CNTNAP2: variants seen among roughly 807,000 people sequenced by gnomAD.
The protein encoded by CNTNAP2 is contactin associated protein 2, also known as contactin-associated protein-like 2.
A neutral mutation model predicts 155.2 loss-of-function variants in CNTNAP2; 98 were observed. The ratio of observed to expected loss-of-function variants is 0.63; its 90% CI spans 0.54 to 0.75. The LOEUF (loss-of-function observed/expected upper bound fraction) is 0.75, where lower values mean the gene tolerates loss of function less well. Ranked by LOEUF, CNTNAP2 falls within the 30% of genes least tolerant of loss-of-function variation. The pLI is 0.00. For missense variants in CNTNAP2, 1,727 were observed against 1,688.1 expected (o/e 1.02, Z -0.40); for synonymous variants, 651 against 631.2 (o/e 1.03, Z -0.47).
At position 147,920,214 on chromosome 7, in the gene CNTNAP2, G is replaced by C. The variant is rs553467973; in HGVS notation, c.2255+16493G>C. ...CTACTAAAAATACAAAAATTAGCTG[G>C]GCGTGGTGGCACATGCCTGTAATCC... On this transcript the variant is annotated intron_variant, in intron 14 of 23. Transcript: ENST00000361727. Among the ~76,000 whole-genome samples the C allele has an allele frequency of 5.3e-5, 8 of 151,986 alleles. No individual in the cohort carries two copies. In the South Asian group the frequency reaches 1.7e-3, roughly 32 times the overall value.
At chr7:146,983,117 C>A (rs1242135891) in intron 3 of CNTNAP2, among the ~76,000 whole-genome samples, 1 of 152,124 alleles carries the variant, frequency 6.6e-6, no homozygotes, top group Non-Finnish European at 1.5e-5. Flanking sequence ...TTGGAGAAGA[C>A]CTTCAACCAT....
At chr7:146,271,412 A>G (rs2129083381) in intron 1 of CNTNAP2, among the ~76,000 whole-genome samples, 1 of 152,074 alleles carries the variant, frequency 6.6e-6, no homozygotes, top group Non-Finnish European at 1.5e-5. Flanking sequence ...GAATTTTACA[A>G]ATTTCTGTAA....
intron 12 of CNTNAP2, among the ~76,000 whole-genome samples, chr7:147,637,433 G>T (rs1795198876): frequency 1.3e-5 from 2 of 152,092 alleles, no homozygotes; most frequent in Non-Finnish European, 2.9e-5. Flanking sequence ...TTTGTCTTGA[G>T]CACCTGAAAG....
rs184065921 is a variant in CNTNAP2, at chr7:147,562,223, T to A, written c.1863T>A (p.Pro621=). The change falls in exon 12 of 24, where the codon CCT becomes CCA. Residue 621 remains proline (P), a synonymous_variant. Coordinates refer to ENST00000361727, the MANE Select transcript of CNTNAP2 (RefSeq NM_014141.6). The part of the protein sequence containing the change: ...YYWIDPDGSG[P]LGPLKVYCNM... ...GGATAGATCCTGATGGCAGCGGACC[T>A]CTGGGGCCTCTGAAAGTTTACTGCA... 4.9e-5 allele frequency: 79 copies of A among 1,614,042 alleles called. 1 individual carries two copies. Among genetic ancestry groups the A allele is most frequent in the Non-Finnish European group, 1.7e-6 (2 of 1,179,942 alleles).
At chr7:148,245,374 T>G (rs566753850) in intron 20 of CNTNAP2, among the ~76,000 whole-genome samples, 1 of 152,340 alleles carries the variant, frequency 6.6e-6, no homozygotes, top group South Asian at 2.1e-4. Context: ...ATGTGTAAAG[T>G]ACTTATGGTG....
At chr7:147,520,812 T>C (rs1169230978) in intron 11 of CNTNAP2, among the ~76,000 whole-genome samples, 6 of 152,158 alleles carry the variant, frequency 3.9e-5, no homozygotes, top group African/African-American at 1.4e-4. Flanking sequence ...TTTCAGGGTG[T>C]TTTCTTCCTA....
At chr7:147,062,402 A>C (rs919288905) in intron 4 of CNTNAP2, among the ~76,000 whole-genome samples, 2 of 152,066 alleles carry the variant, frequency 1.3e-5, no homozygotes, top group African/African-American at 4.8e-5. Flanking sequence ...GTATGCATGC[A>C]CAGGGATTAT....
intron 1 of CNTNAP2, among the ~76,000 whole-genome samples, chr7:146,370,454 A>G (rs1795218812): frequency 6.9e-6 from 1 of 145,328 alleles, no homozygotes; most frequent in South Asian, 2.2e-4. Context: ...GAGAAAAAGG[A>G]AAAAAAAAAC....
intron 1 of CNTNAP2, among the ~76,000 whole-genome samples, chr7:146,763,527 A>T (rs567886888): frequency 2.6e-5 from 4 of 152,226 alleles, no homozygotes; most frequent in African/African-American, 9.6e-5. Flanking sequence ...GCACTCTATA[A>T]ATTGTCATTG....
At chr7:148,195,940 C>T (rs1037562918) in intron 18 of CNTNAP2, among the ~76,000 whole-genome samples, 2 of 152,172 alleles carry the variant, frequency 1.3e-5, no homozygotes, top group Non-Finnish European at 2.9e-5. Flanking sequence ...CTTACAAATG[C>T]ATTCTACTGA....
chr7:146,927,869 CT>C (rs1796639270), intron 3 of CNTNAP2, among the ~76,000 whole-genome samples: 1 of 151,196 alleles, frequency 6.6e-6, no homozygotes. Context: ...ATATCTATAT[CT>C]CTTTATATAT....
chr7:148,155,904 G>A (rs1282645908), intron 17 of CNTNAP2, among the ~76,000 whole-genome samples: 1 of 152,114 alleles, frequency 6.6e-6, no homozygotes, highest in African/African-American at 2.4e-5. Flanking sequence ...CGGTGACACT[G>A]GGTGCTCCCA....
intron 3 of CNTNAP2, among the ~76,000 whole-genome samples, chr7:146,947,396 CTCTCTCTCTCTCTCTA>C (rs1452637748): frequency 1.5e-5 from 2 of 129,774 alleles, no homozygotes; most frequent in Non-Finnish European, 3.2e-5. Context: ...CTCTCTCTCT[CTCTCTCTCTCTCTCTA>C]TATATATATA....
intron 13 of CNTNAP2, among the ~76,000 whole-genome samples, chr7:147,853,986 C>T (rs1482643114): frequency 6.6e-6 from 1 of 152,092 alleles, no homozygotes; most frequent in Non-Finnish European, 1.5e-5. Flanking sequence ...TTAAAAATGG[C>T]GTTCAAAATT....
At chr7:147,059,922 T>C (rs1799630666) in intron 4 of CNTNAP2, among the ~76,000 whole-genome samples, 5 of 152,098 alleles carry the variant, frequency 3.3e-5, no homozygotes, top group Admixed American at 3.3e-4. Flanking sequence ...TTACTATCAT[T>C]ACTACTATAA....
At chr7:146,144,017 C>G (rs979366241) in intron 1 of CNTNAP2, among the ~76,000 whole-genome samples, 1 of 152,200 alleles carries the variant, frequency 6.6e-6, no homozygotes, top group Admixed American at 6.5e-5. Flanking sequence ...CCACCTCGGC[C>G]TCCCGATATG....
At chr7:147,876,025 A>T (rs1255020405) in intron 13 of CNTNAP2, among the ~76,000 whole-genome samples, 1 of 152,216 alleles carries the variant, frequency 6.6e-6, no homozygotes, top group Non-Finnish European at 1.5e-5. Flanking sequence ...ATCACTGCAG[A>T]ACTGAAAATT....
intron 14 of CNTNAP2, among the ~76,000 whole-genome samples, chr7:147,937,349 A>G (rs1274813704): frequency 6.6e-6 from 1 of 152,196 alleles, no homozygotes; most frequent in Non-Finnish European, 1.5e-5. Flanking sequence ...TTCAACCATC[A>G]TAACACATTC....
intron 1 of CNTNAP2, among the ~76,000 whole-genome samples, chr7:146,584,481 A>G (rs563043087): frequency 4.1e-4 from 62 of 152,208 alleles, no homozygotes; most frequent in Admixed American, 3.5e-3. Context: ...GGAAACAGTC[A>G]TGATTGATTT....
Sources: gnomAD v4.1 joint callset for allele counts (sites outside exome capture counted in the v4.1 genomes callset) on GRCh38, gnomAD v4.1.1 for gene constraint, MANE v1.5 for transcripts, NCBI Gene and HGNC (gene_info 2026-07-23, HGNC 2026-07-21) for gene names.